SBF2: variants seen among roughly 807,000 people sequenced by gnomAD.
SBF2 encodes myotubularin-related protein 13.
In SBF2, 112 loss-of-function variants were observed where a neutral mutation model predicts 225.2. The ratio of observed to expected loss-of-function variants is 0.50; its 90% confidence interval spans 0.43 to 0.58. SBF2 has a LOEUF of 0.58. Among genes scored for constraint, SBF2 ranks in the 20% least tolerant of loss-of-function variants. The pLI is 0.00. For missense variants in SBF2, 1,996 were observed against 2,206.2 expected, an observed-to-expected ratio of 0.90 and a Z score of 1.91; for synonymous variants, 763 against 773.3, an observed-to-expected ratio of 0.99 and a Z score of 0.22.
intron 37 of SBF2, 61 bp downstream of exon 37, chr11:9,785,064 G>A (rs1177443890): frequency 1.4e-6 from 2 of 1,453,442 alleles, no homozygotes. Context: ...AGGGACCTGT[G>A]GTTTAGCCTC....
intron 13 of SBF2, among the ~76,000 whole-genome samples, chr11:9,969,783 G>C (rs1231262696): frequency 6.6e-6 from 1 of 151,956 alleles, no homozygotes; most frequent in Non-Finnish European, 1.5e-5. Context: ...TATTTAACTT[G>C]TTTATTGTCT....
At chr11:10,143,182 T>A (rs1309615934) in intron 2 of SBF2, among the ~76,000 whole-genome samples, 1 of 152,174 alleles carries the variant, frequency 6.6e-6, no homozygotes, top group African/African-American at 2.4e-5. Flanking sequence ...TATGATTTTT[T>A]TTTTTTGAGA....
chr11:9,920,891 C>G lies in SBF2; in HGVS notation c.1861-24880G>C, dbSNP rs1244787571. ...TGGTGTTCTGTCAGGGTTCCACAAC[C>G]TACCCTTAAGGGTTCCTCCTACCCT... On this transcript the variant is annotated intron_variant, in intron 16 of 39. Coordinates refer to ENST00000256190, the MANE Select transcript of SBF2 (RefSeq NM_030962.4). Among the ~76,000 whole-genome samples the G allele has an allele frequency of 4.7e-5, 7 of 147,816 alleles. No homozygotes were observed. The East Asian group carries it at 1.4e-3, about 29-fold the overall frequency.
chr11:9,976,829 C>T (rs1030419573), intron 13 of SBF2, among the ~76,000 whole-genome samples: 2 of 151,380 alleles, frequency 1.3e-5, no homozygotes, highest in South Asian at 2.1e-4. Context: ...AGTGCAGTGG[C>T]GTGATCTCGG....
intron 28 of SBF2, among the ~76,000 whole-genome samples, chr11:9,818,662 T>C (rs949050745): frequency 4.6e-5 from 7 of 152,188 alleles, no homozygotes; most frequent in African/African-American, 1.4e-4. Flanking sequence ...TTTATAAGCA[T>C]TTACGGGGTC....
chr11:10,254,771 G>T (rs1007464492), intron 1 of SBF2, among the ~76,000 whole-genome samples: 1 of 151,028 alleles, frequency 6.6e-6, no homozygotes, highest in Non-Finnish European at 1.5e-5. Context: ...GGGCATGGTG[G>T]TGCATGCCTG....
chr11:9,845,457 C>A, intron 24 of SBF2, 108 bp downstream of exon 24: 1 of 1,000,628 alleles, frequency 1.0e-6, no homozygotes, highest in African/African-American at 1.6e-5. Context: ...AGAAACAGAA[C>A]AGTGAATGAA....
chr11:10,076,771 CAG>C (rs1951133196), intron 2 of SBF2, among the ~76,000 whole-genome samples: 2 of 152,180 alleles, frequency 1.3e-5, no homozygotes, highest in African/African-American at 2.4e-5. Flanking sequence ...GACACAGCAC[CAG>C]TTGCTCTGCT....
chr11:9,838,592 T>G (rs970494723), intron 26 of SBF2: 2 of 152,236 alleles, frequency 1.3e-5, no homozygotes, highest in African/African-American at 4.8e-5. Context: ...TGAAGTTTCA[T>G]ATTAATATTT....
rs1172917328 is a variant in SBF2 at position 10,034,800 on chromosome 11, C to T, written c.280-3630G>A. ...AGCAATTTAAGAACTTAAAAATTTT[C>T]CAGAATTGGAAATAATGGAGCCTAA... On this transcript the variant is annotated intron_variant, in intron 3 of 39. Coordinates refer to ENST00000256190, the MANE Select transcript of SBF2 (RefSeq NM_030962.4). Among the ~76,000 whole-genome samples, 14 of 152,182 alleles carry T rather than the reference C, an allele frequency of 9.2e-5. No homozygotes were observed. In the East Asian group the frequency reaches 1.7e-3, roughly 19 times the overall value.
intron 19 of SBF2, among the ~76,000 whole-genome samples, chr11:9,856,216 T>C (rs1029830494): frequency 1.1e-4 from 16 of 152,124 alleles, no homozygotes; most frequent in African/African-American, 3.6e-4. Context: ...GGATCAGTAA[T>C]GGGTGAGACA....
chr11:9,880,048 C>T (rs899947768), intron 17 of SBF2, among the ~76,000 whole-genome samples: 1 of 139,632 alleles, frequency 7.2e-6, no homozygotes, highest in Non-Finnish European at 1.5e-5. Flanking sequence ...CGTGCCACTG[C>T]ACTCCAGCCT....
chr11:9,855,778 A>G (rs1857271952), intron 19 of SBF2, among the ~76,000 whole-genome samples: 1 of 152,224 alleles, frequency 6.6e-6, no homozygotes, highest in Non-Finnish European at 1.5e-5. Flanking sequence ...TCTTGAGGCA[A>G]GTAACATTTG....
chr11:9,998,476 G>T, intron 8 of SBF2, 97 bp from the exon 9 acceptor site: 3 of 705,566 alleles, frequency 4.3e-6, no homozygotes, highest in South Asian at 1.7e-5. Context: ...AGAAGAATCA[G>T]ATGTGGAAGA....
intron 1 of SBF2, among the ~76,000 whole-genome samples, chr11:10,217,033 T>C (rs1157760251): frequency 2.0e-5 from 3 of 152,198 alleles, no homozygotes; most frequent in African/African-American, 7.2e-5. Context: ...ACCACTTTCC[T>C]TGCCTTTCAT....
At chr11:10,173,134 T>C (rs1408325366) in intron 2 of SBF2, among the ~76,000 whole-genome samples, 1 of 152,224 alleles carries the variant, frequency 6.6e-6, no homozygotes, top group Non-Finnish European at 1.5e-5. Context: ...TTCGAATTTT[T>C]AAAAACTTAG....
rs992755936 is a variant in SBF2, at chr11:10,042,742, C to T, written c.279+102G>A. On this transcript the variant is annotated intron_variant, in intron 3 of 39. Transcript: ENST00000256190. ...TTTCTTCATGCTTCTTATGCTAGCC[C>T]ATAAAACTCAAACTTGCAGTTGTAA... is the stretch of plus-strand genomic sequence containing the variant. 2.5e-6 allele frequency: 3 copies of T among 1,208,706 alleles called. No individual in the cohort carries two copies. In the Admixed American group the frequency reaches 5.2e-5, roughly 21 times the overall value. 74.9% of individuals were successfully genotyped at this position (1,208,706 alleles called of 1,614,324 possible). A position where few individuals can be genotyped will look rare whatever the true frequency, so the allele number is the denominator to read the frequency against.
chr11:9,828,191 G>A, intron 28 of SBF2: 2 of 1,289,660 alleles, frequency 1.6e-6, no homozygotes, highest in South Asian at 1.2e-5. Flanking sequence ...CTTAAGCACA[G>A]TGGACATTCT....
At chr11:9,782,586 C>G (rs1417227080) in intron 38 of SBF2, among the ~76,000 whole-genome samples, 1 of 152,102 alleles carries the variant, frequency 6.6e-6, no homozygotes, top group East Asian at 1.9e-4. Flanking sequence ...AAACATCTTT[C>G]CAGGCCGGGC....
Sources: gnomAD v4.1 joint callset for allele counts (sites outside exome capture counted in the v4.1 genomes callset) on GRCh38, gnomAD v4.1.1 for gene constraint, MANE v1.5 for transcripts, NCBI Gene and HGNC (gene_info 2026-07-23, HGNC 2026-07-21) for gene names.